The following ARHGAP18 variants were observed in gnomAD, a reference collection of about 807,000 sequenced individuals.
ARHGAP18 encodes the protein rho GTPase-activating protein 18.
Under a neutral mutation model 86.2 loss-of-function variants are expected in ARHGAP18, and 67 were observed. The ratio of observed to expected loss-of-function variants is 0.78; its 90% CI spans 0.64 to 0.95. The LOEUF is 0.95. Ranked by LOEUF, ARHGAP18 falls within the 40% of genes least tolerant of loss-of-function variation. The pLI is 0.00. For missense variants in ARHGAP18, 691 were observed against 780.4 expected (o/e 0.89, Z 1.37); for synonymous variants, 283 against 280.4 (o/e 1.01, Z -0.09).
Position 129,607,047 on chromosome 6 carries a change from A to G in ARHGAP18, c.1282+846T>C, listed in dbSNP as rs562075969. Among the ~76,000 whole-genome samples the G allele has an allele frequency of 3.3e-5, 5 of 152,016 alleles. No individual in the cohort carries two copies. The South Asian group carries it at 1.0e-3, about 32-fold the overall frequency. Reference sequence around the variant, plus strand: ...GCTAATTTTTGTATTTTTAGTAGAAATGGGATTTCACCATATTGGCCAGGT... The same window carrying G: ...GCTAATTTTTGTATTTTTAGTAGAAGTGGGATTTCACCATATTGGCCAGGT... On this transcript the variant is annotated intron_variant, in intron 9 of 14. Transcript: ENST00000368149.
At chr6:129,694,896 T>C (rs1483021187) in intron 1 of ARHGAP18, among the ~76,000 whole-genome samples, 2 of 152,246 alleles carry the variant, frequency 1.3e-5, no homozygotes, top group East Asian at 3.8e-4. Context: ...TGGAAATACA[T>C]TCACCAAGGT....
At chr6:129,668,383 CACACACACACACACACAG>C (rs1774081836) in intron 1 of ARHGAP18, among the ~76,000 whole-genome samples, 1 of 150,842 alleles carries the variant, frequency 6.6e-6, no homozygotes, top group East Asian at 1.9e-4. Context: ...CACACACACA[CACACACACACACACACAG>C]ACACACACAC....
intron 5 of ARHGAP18, among the ~76,000 whole-genome samples, chr6:129,621,555 A>G (rs1789229582): frequency 6.6e-6 from 1 of 152,196 alleles, no homozygotes; most frequent in African/African-American, 2.4e-5. Context: ...ACCTTTGGCA[A>G]ACAATGTCCC....
intron 1 of ARHGAP18, among the ~76,000 whole-genome samples, chr6:129,659,050 C>T (rs888286549): frequency 6.6e-6 from 1 of 152,104 alleles, no homozygotes; most frequent in Non-Finnish European, 1.5e-5. Context: ...CAATATACAC[C>T]AAATATCATC....
chr6:129,579,987 G>T, intron 14 of ARHGAP18, 83 bp downstream of exon 14: 1 of 1,184,320 alleles, frequency 8.4e-7, no homozygotes, highest in Non-Finnish European at 1.2e-6. Context: ...CTAATTTCCT[G>T]TTCTTCCTCC....
At chr6:129,671,832 C>T (rs958807213) in intron 1 of ARHGAP18, among the ~76,000 whole-genome samples, 3 of 152,184 alleles carry the variant, frequency 2.0e-5, no homozygotes. Context: ...TTTGGCAAGT[C>T]TGTCCTGAAA....
At chr6:129,625,992 TC>T (rs1562698801) in intron 5 of ARHGAP18, among the ~76,000 whole-genome samples, 2 of 110,028 alleles carry the variant, frequency 1.8e-5, no homozygotes, top group Non-Finnish European at 3.5e-5. Flanking sequence ...ATATTATATA[TC>T]AAATATATAT....
At chr6:129,613,606 AT>A (rs1177917135) in intron 7 of ARHGAP18, among the ~76,000 whole-genome samples, 1 of 152,224 alleles carries the variant, frequency 6.6e-6, no homozygotes, top group African/African-American at 2.4e-5. Context: ...GCATTTTAAT[AT>A]TTGAGTCCTT....
intron 1 of ARHGAP18, among the ~76,000 whole-genome samples, chr6:129,691,509 G>A (rs986202347): frequency 1.3e-5 from 2 of 152,144 alleles, no homozygotes; most frequent in African/African-American, 4.8e-5. Flanking sequence ...ACGATTTCAG[G>A]TAGAAATTTG....
chr6:129,610,515 C>G (rs1358733046), intron 8 of ARHGAP18, among the ~76,000 whole-genome samples: 3 of 152,208 alleles, frequency 2.0e-5, no homozygotes, highest in Non-Finnish European at 4.4e-5. Flanking sequence ...AGACAGGGAA[C>G]TGTGTGAATC....
chr6:129,685,180 T>C (rs1403719756), intron 1 of ARHGAP18, among the ~76,000 whole-genome samples: 1 of 152,068 alleles, frequency 6.6e-6, no homozygotes, highest in Non-Finnish European at 1.5e-5. Context: ...AACTATAAAA[T>C]AGAGACCATA....
At chr6:129,601,524 GAGAAAAGAGAGA>G (rs777905620) in intron 10 of ARHGAP18, among the ~76,000 whole-genome samples, 324 of 151,080 alleles carry the variant, frequency 2.1e-3, no homozygotes, top group Admixed American at 4.2e-3. Flanking sequence ...AGAGAGAAGA[GAGAAAAGAGAGA>G]AGAAAAGAGA....
intron 1 of ARHGAP18, among the ~76,000 whole-genome samples, chr6:129,663,366 A>G (rs562041447): frequency 6.6e-6 from 1 of 152,218 alleles, no homozygotes; most frequent in Non-Finnish European, 1.5e-5. Flanking sequence ...TGCTCTGACA[A>G]CACAGGCTTT....
intron 1 of ARHGAP18, among the ~76,000 whole-genome samples, chr6:129,665,436 G>C (rs1226717038): frequency 6.6e-6 from 1 of 152,140 alleles, no homozygotes; most frequent in Non-Finnish European, 1.5e-5. Context: ...TGTAGTCACA[G>C]CTACTCAGGA....
At chr6:129,704,250 G>C (rs1023683302) in intron 1 of ARHGAP18, among the ~76,000 whole-genome samples, 1 of 152,086 alleles carries the variant, frequency 6.6e-6, no homozygotes. Flanking sequence ...TTCAAGACCA[G>C]CCTGGCCAAC....
intron 1 of ARHGAP18, among the ~76,000 whole-genome samples, chr6:129,707,683 C>G (rs1273284220): frequency 1.4e-5 from 2 of 139,448 alleles, no homozygotes; most frequent in Admixed American, 7.4e-5. Flanking sequence ...TTTGGTAGAG[C>G]TGTGGGGGCG....
chr6:129,640,073 AG>A (rs1303893867), intron 2 of ARHGAP18, among the ~76,000 whole-genome samples: 5 of 151,180 alleles, frequency 3.3e-5, no homozygotes, highest in Non-Finnish European at 7.4e-5. Flanking sequence ...AACAAACAAA[AG>A]TCAGCCATTA....
chr6:129,656,567 C>A (rs551073675), intron 1 of ARHGAP18, among the ~76,000 whole-genome samples: 127 of 152,230 alleles, frequency 8.3e-4, no homozygotes, highest in African/African-American at 3.0e-3. Context: ...CTTGAAGAAC[C>A]CGGGAGGCGG....
At chr6:129,673,510 C>G (rs11154490) in intron 1 of ARHGAP18, among the ~76,000 whole-genome samples, 1 of 151,926 alleles carries the variant, frequency 6.6e-6, no homozygotes, top group Non-Finnish European at 1.5e-5. Flanking sequence ...TCTAAGTGTG[C>G]CTGCATGCCT....
Sources: gnomAD v4.1 joint callset for allele counts (sites outside exome capture counted in the v4.1 genomes callset) on GRCh38, gnomAD v4.1.1 for gene constraint, MANE v1.5 for transcripts, NCBI Gene and HGNC (gene_info 2026-07-23, HGNC 2026-07-21) for gene names.